HEPH: variants seen among roughly 807,000 people sequenced by gnomAD.
HEPH encodes hephaestin.
A neutral mutation model predicts 80.8 loss-of-function variants in HEPH; 69 were observed. That is an observed-to-expected ratio of 0.85 (90% confidence interval 0.70 to 1.04). HEPH has a LOEUF of 1.04. HEPH is among the 50% of genes least tolerant of loss of function. The pLI is 0.00. For synonymous variants in HEPH, 431 were observed against 322.8 expected, an observed-to-expected ratio of 1.34 and a Z score of -3.60; for missense variants, 1,115 against 891.3, an observed-to-expected ratio of 1.25 and a Z score of -3.20.
At chrX:66,242,671 G>T (rs754984457) in intron 15 of HEPH, among the ~76,000 whole-genome samples, 71 of 111,615 alleles carry the variant, frequency 6.4e-4, no homozygotes, top group Non-Finnish European at 1.2e-3. Context: ...CAACAAGCAA[G>T]AATCAAACAA....
chrX:66,203,632 G>T, intron 13 of HEPH, 55 bp downstream of exon 13: 1 of 1,044,122 alleles, frequency 9.6e-7, no homozygotes, highest in Non-Finnish European at 1.3e-6. Flanking sequence ...TTGCAAATGA[G>T]AATACTGAAA....
intron 1 of HEPH, among the ~76,000 whole-genome samples, chrX:66,166,280 G>A (rs1295267527): frequency 1.8e-5 from 2 of 111,284 alleles, no homozygotes; most frequent in African/African-American, 6.5e-5. Context: ...CACAACCTCC[G>A]CCTCCCAGGT....
upstream of HEPH, chrX:66,164,087 T>G (rs1041618201): frequency 4.7e-5 from 14 of 295,532 alleles, no homozygotes; most frequent in Non-Finnish European, 5.9e-5. Context: ...GACAGTGTTC[T>G]CCTCTCAGCA....
At chrX:66,199,143 G>A in intron 11 of HEPH, 115 bp downstream of exon 11, 2 of 745,160 alleles carry the variant, frequency 2.7e-6, no homozygotes, top group Non-Finnish European at 2.0e-6. Flanking sequence ...CTCTGTCCAA[G>A]AGGCGAGCTA....
intron 12 of HEPH, among the ~76,000 whole-genome samples, chrX:66,201,534 TATC>T (rs1344821149): frequency 9.0e-6 from 1 of 111,706 alleles, no homozygotes; most frequent in Non-Finnish European, 1.9e-5. Flanking sequence ...ATAGAGCAGT[TATC>T]TTTTCTTTAG....
intron 12 of HEPH, 60 bp downstream of exon 12, chrX:66,200,812 C>T (rs1000110123): frequency 6.4e-5 from 60 of 937,516 alleles, no homozygotes; most frequent in South Asian, 3.1e-4. Context: ...GGAATGGGGT[C>T]GGGAAGAGGG....
intron 6 of HEPH, among the ~76,000 whole-genome samples, chrX:66,191,605 G>A (rs1397584233): frequency 8.9e-6 from 1 of 111,820 alleles, no homozygotes; most frequent in African/African-American, 3.3e-5. Flanking sequence ...TTTCCTTACG[G>A]TCCCAAGTCT....
At chrX:66,225,794 C>T (rs188599779) in intron 15 of HEPH, among the ~76,000 whole-genome samples, 72 of 112,776 alleles carry the variant, frequency 6.4e-4, no homozygotes, top group Admixed American at 1.1e-3. Flanking sequence ...GGGGCTGCCT[C>T]GACTATCTGT....
At chrX:66,239,134 C>A (rs780777180) in intron 15 of HEPH, among the ~76,000 whole-genome samples, 1 of 112,029 alleles carries the variant, frequency 8.9e-6, no homozygotes, top group East Asian at 2.8e-4. Flanking sequence ...CAGTTTATGG[C>A]CAGATTTTTG....
At chrX:66,207,135 C>T in intron 13 of HEPH, 60 bp from the exon 14 acceptor site, 5 of 1,013,273 alleles carry the variant, frequency 4.9e-6, no homozygotes, top group South Asian at 2.1e-5. Flanking sequence ...CCCATAAATA[C>T]TCAAATGAAA....
intron 4 of HEPH, among the ~76,000 whole-genome samples, chrX:66,187,654 G>C (rs2087539456): frequency 9.0e-6 from 1 of 110,613 alleles, no homozygotes; most frequent in Non-Finnish European, 1.9e-5. Context: ...GTGTCTCCCG[G>C]GTCCTGCAGG....
At chrX:66,197,524 G>T (rs2088167972) in intron 9 of HEPH, among the ~76,000 whole-genome samples, 159 bp from the exon 10 acceptor site, 1 of 111,787 alleles carries the variant, frequency 8.9e-6, no homozygotes, top group Admixed American at 9.5e-5. Context: ...CTCATCTCTT[G>T]ACTCCTTGAC....
chrX:66,264,229 T>A (rs1353033283), intron 20 of HEPH, among the ~76,000 whole-genome samples: 1 of 106,272 alleles, frequency 9.4e-6, no homozygotes, highest in Non-Finnish European at 1.9e-5. Flanking sequence ...CAAAAACCAC[T>A]TGTACTCCTG....
At chrX:66,247,600 C>A (rs1002228413) in intron 15 of HEPH, among the ~76,000 whole-genome samples, 1 of 111,067 alleles carries the variant, frequency 9.0e-6, no homozygotes, top group Middle Eastern at 4.6e-3. Context: ...GTTTTCAGTT[C>A]TTTAAGCATA....
chrX:66,212,528 G>A (rs1468834277), intron 15 of HEPH, among the ~76,000 whole-genome samples: 1 of 111,523 alleles, frequency 9.0e-6, no homozygotes, highest in East Asian at 2.8e-4. Flanking sequence ...TTATTCTTCT[G>A]CATGTGGCTG....
At chrX:66,182,146 T>C in intron 4 of HEPH, among the ~76,000 whole-genome samples, 1 of 86,456 alleles carries the variant, frequency 1.2e-5, no homozygotes, top group Admixed American at 1.4e-4. Context: ...TGCCTCCAGC[T>C]TTGTTCTTTT....
At chrX:66,209,388 G>A (rs779669762) in intron 15 of HEPH, among the ~76,000 whole-genome samples, 4 of 111,929 alleles carry the variant, frequency 3.6e-5, no homozygotes, top group African/African-American at 9.8e-5. Context: ...TGATTCAGTA[G>A]GTGTGTGATG....
intron 4 of HEPH, among the ~76,000 whole-genome samples, chrX:66,183,598 CTTTA>C (rs1159919978): frequency 2.2e-5 from 1 of 44,944 alleles, no homozygotes; most frequent in Non-Finnish European, 3.2e-5. Flanking sequence ...CTCTTTTTTT[CTTTA>C]TTAGTCTTGC....
intron 15 of HEPH, among the ~76,000 whole-genome samples, chrX:66,243,228 A>G (rs1287598923): frequency 1.8e-5 from 2 of 111,994 alleles, no homozygotes; most frequent in Non-Finnish European, 3.8e-5. Flanking sequence ...TAATGCAGAA[A>G]CAGAAAACCA....
Sources: gnomAD v4.1 joint callset for allele counts (sites outside exome capture counted in the v4.1 genomes callset) on GRCh38, gnomAD v4.1.1 for gene constraint, MANE v1.5 for transcripts, NCBI Gene and HGNC (gene_info 2026-07-23, HGNC 2026-07-21) for gene names.